IGSF9B: variants seen among roughly 807,000 people sequenced by gnomAD.
IGSF9B encodes immunoglobulin superfamily member 9B, also known as protein turtle homolog B.
In IGSF9B, 48 loss-of-function variants were observed where a neutral mutation model predicts 143.7. That is an observed-to-expected ratio of 0.33 (90% CI 0.26 to 0.42). The LOEUF (loss-of-function observed/expected upper bound fraction) is 0.42, where lower values mean the gene tolerates loss of function less well. Ranked by LOEUF, IGSF9B falls within the 20% of genes least tolerant of loss-of-function variation. The pLI, the probability that IGSF9B is intolerant of heterozygous loss-of-function variation, is 1.00. For synonymous variants in IGSF9B, 903 were observed against 833.1 expected (o/e 1.08, Z -1.44); for missense variants, 1,706 against 1,980.0 (o/e 0.86, Z 2.63).
At position 133,927,003 on chromosome 11, in the gene IGSF9B, G is replaced by A. The variant is rs1460728422; in HGVS notation, c.1720C>T (p.Pro574Ser). 1 of 1,580,290 alleles carries A rather than the reference G, an allele frequency of 6.3e-7. No homozygotes were observed. The highest frequency in any genetic ancestry group is 1.4e-5 in the African/African-American group (1 of 74,068). The change falls in exon 13 of 20, where the codon CCT becomes TCT. Residue 574 changes from proline to serine, a missense_variant. Pro to Ser is a moderately conservative substitution (Grantham distance 74). Transcript: ENST00000533871. ...PSWLLVDTLE[P>S]ETAYQFSVLA... ...ACGCTGAACTGGTACGCTGTCTCAG[G>A]CTCCAGGGTGTCCACCAGCAGCCAG...
At position 133,928,933 on chromosome 11, in the gene IGSF9B, C is replaced by T. The variant is rs924978804; in HGVS notation, c.1631+738G>A. Among the ~76,000 whole-genome samples, 5 of 152,208 alleles carry T rather than the reference C, an allele frequency of 3.3e-5. No individual in the cohort carries two copies. Among genetic ancestry groups the T allele is most frequent in the Non-Finnish European group, 5.9e-5 (4 of 68,040 alleles). On this transcript the variant is annotated intron_variant, in intron 12 of 19. Transcript: ENST00000533871. This position sits in a 1 kb window ranked among gnomAD's most constrained non-coding sequence, Gnocchi z 4.7. ...CCCAAGGCTGGGAAGTGAGCATCACCTCTCCACACCAGTTTCTGTGGCCTC... is the reference window on the plus strand; with the variant it reads ...CCCAAGGCTGGGAAGTGAGCATCACTTCTCCACACCAGTTTCTGTGGCCTC...
Position 133,924,894 on chromosome 11 carries a change from TACC to T in IGSF9B, c.2042_2044del (p.Trp681del). The T allele has an allele frequency of 6.2e-7, 1 of 1,613,660 alleles. No homozygotes were observed. Among genetic ancestry groups the T allele is most frequent in the East Asian group, 2.2e-5 (1 of 44,882 alleles). ...CATGACGGCCAGAACCCGGAACTCATACCACGTGTCCTGCAGCCCCAGGGACAA... is the reference window on the plus strand; with the variant it reads ...CATGACGGCCAGAACCCGGAACTCATACGTGTCCTGCAGCCCCAGGGACAA... On this transcript the variant is annotated inframe_deletion, in exon 15 of 20. Transcript: ENST00000533871.
chr11:133,921,139 AG>A lies in IGSF9B; in HGVS notation c.2585del (p.Pro862LeufsTer8), dbSNP rs1426886138. The part of the protein sequence containing the change: ...RGPDGRFVMD[P>X]AEMEPSLKSR... ...TCTTCAGCGAGGGCTCCATCTCGGC[AG>A]GGTCCATCACGAAGCGGCCGTCAGG... On this transcript the variant is annotated frameshift_variant, in exon 18 of 20. Transcript: ENST00000533871. LOFTEE classifies it high-confidence loss of function. The A allele has an allele frequency of 6.2e-7, 1 of 1,613,590 alleles. No individual in the cohort carries two copies. Among genetic ancestry groups the A allele is most frequent in the Admixed American group, 1.7e-5 (1 of 60,024 alleles).
rs7946448 is a variant in IGSF9B, at chr11:133,913,467, G to T, written c.3984-1460C>A. On this transcript the variant is annotated intron_variant, in intron 18 of 19. Transcript: ENST00000533871. The surrounding 1 kb of genome is among the most constrained non-coding windows in gnomAD (Gnocchi z 4.6). ...GTCTCTGGGGTTTCCTGCATGCACTGGCAATGCAGTGACCTCCATCTTCCT... is the reference window on the plus strand; with the variant it reads ...GTCTCTGGGGTTTCCTGCATGCACTTGCAATGCAGTGACCTCCATCTTCCT... Among the ~76,000 whole-genome samples the T allele has an allele frequency of 0.04, 6,055 of 152,270 alleles. 358 individuals carry two copies. The highest frequency in any genetic ancestry group is 0.13 in the African/African-American group (5,407 of 41,526).
intron 18 of IGSF9B, among the ~76,000 whole-genome samples, chr11:133,916,729 A>G (rs1212304403): frequency 6.6e-6 from 1 of 152,182 alleles, no homozygotes; most frequent in African/African-American, 2.4e-5. Flanking sequence ...GGGGTGAGGA[A>G]TAACACATGA....
At chr11:133,936,898 C>T (rs1359234061) in intron 5 of IGSF9B, among the ~76,000 whole-genome samples, 5 of 152,218 alleles carry the variant, frequency 3.3e-5, no homozygotes, top group African/African-American at 1.2e-4. Context: ...GACTCTGGGG[C>T]TCCAGGCAGG....
chr11:133,910,580 G>C (rs939635528), intron 19 of IGSF9B, among the ~76,000 whole-genome samples: 1 of 152,158 alleles, frequency 6.6e-6, no homozygotes, highest in African/African-American at 2.4e-5. Context: ...AGCAGACCTG[G>C]AGAGGCTGAT....
Position 133,925,851 on chromosome 11 carries a change from C to T in IGSF9B, c.1922G>A (p.Ser641Asn). The change falls in exon 14 of 20, where the codon AGC becomes AAC. Residue 641 changes from serine to asparagine, a missense_variant. Physicochemically the swap from Ser to Asn is conservative, Grantham distance 46. Coordinates refer to ENST00000533871, the MANE Select transcript of IGSF9B (RefSeq NM_001277285.4). ...CATGATGTAGCGGTCGATGGGAAAG[C>T]TGTGGTTGGCAGGCGGAAGCCAGGA... ...LLSWLPPANH[S>N]FPIDRYIMEF... The T allele has an allele frequency of 6.2e-7, 1 of 1,613,790 alleles. No individual in the cohort carries two copies. Among genetic ancestry groups the T allele is most frequent in the African/African-American group, 1.3e-5 (1 of 75,060 alleles).
In IGSF9B at chr11:133,936,035, T is replaced by G; in HGVS notation, c.821+18A>C. 1 of 1,612,218 alleles carries G rather than the reference T, an allele frequency of 6.2e-7. No individual in the cohort carries two copies. Among genetic ancestry groups the G allele is most frequent in the Non-Finnish European group, 8.5e-7 (1 of 1,179,154 alleles). ...CTGGGGTGGCAACCTCATTGAAAAG[T>G]CAGAGCAGGGTGCTCACTTCTGAAA... On this transcript the variant is annotated intron_variant, in intron 6 of 19. Coordinates refer to ENST00000533871, the MANE Select transcript of IGSF9B (RefSeq NM_001277285.4).
At chr11:133,956,610 G>A in intron 1 of IGSF9B, 81 bp downstream of exon 1, 2 of 962,842 alleles carry the variant, frequency 2.1e-6, no homozygotes, top group Non-Finnish European at 3.1e-6. Context: ...GGGGGCCAAG[G>A]AGCCGGGAAA....
chr11:133,920,934 G>T lies in IGSF9B; in HGVS notation c.2791C>A (p.Arg931=), dbSNP rs369321654. ...SYLPPPAYSP[R]FQPRGLEGPG... ...CCCTCCAGCCCGCGGGGCTGGAACC[G>T]AGGGCTGTATGCTGGTGGTGGCAGG... Residue 931 remains arginine (R), a synonymous_variant, in exon 18 of 20, where the codon CGG becomes AGG. Coordinates refer to ENST00000533871, the MANE Select transcript of IGSF9B (RefSeq NM_001277285.4). 1 of 1,610,362 alleles carries T rather than the reference G, an allele frequency of 6.2e-7. No homozygotes were observed. The highest frequency in any genetic ancestry group is 1.3e-5 in the African/African-American group (1 of 75,030).
rs1374621537 is a variant in IGSF9B at position 133,920,032 on chromosome 11, C to T, written c.3693G>A (p.Gln1231=). Residue 1231 remains glutamine (Q), a synonymous_variant, in exon 18 of 20, where the codon CAG becomes CAA. Transcript: ENST00000533871. ...RARPRPGLLQ[Q]AEMSEITLQP... Reference sequence around the variant, plus strand: ...GCAGGGTGATCTCTGACATCTCTGCCTGCTGCAGGAGGCCCGGGCGAGGCC... The same window carrying T: ...GCAGGGTGATCTCTGACATCTCTGCTTGCTGCAGGAGGCCCGGGCGAGGCC... 1.3e-6 allele frequency: 2 copies of T among 1,580,214 alleles called. No homozygotes were observed. Among genetic ancestry groups the T allele is most frequent in the Non-Finnish European group, 1.7e-6 (2 of 1,163,590 alleles).
Position 133,946,041 on chromosome 11 carries a change from ACCGGGTGCC to A in IGSF9B, c.262+11_262+19del. Reference sequence around the variant, plus strand: ...ACTCCAGCTGGGGAAGGTGCGGGAGACCGGGTGCCCAGACCTTACCTGCATACTCAGGGT... The same window carrying A: ...ACTCCAGCTGGGGAAGGTGCGGGAGACAGACCTTACCTGCATACTCAGGGT... On this transcript the variant is annotated intron_variant, in intron 2 of 19. Coordinates refer to ENST00000533871, the MANE Select transcript of IGSF9B (RefSeq NM_001277285.4). The A allele has an allele frequency of 6.6e-7, 1 of 1,509,292 alleles. No individual in the cohort carries two copies. Among genetic ancestry groups the A allele is most frequent in the South Asian group, 1.3e-5 (1 of 76,056 alleles). The allele number at this position is 1,509,292 out of a possible 1,614,324, so 93.5% of individuals were successfully genotyped here.
At position 133,920,534 on chromosome 11, in the gene IGSF9B, C is replaced by T. The variant is rs1310634608; in HGVS notation, c.3191G>A (p.Cys1064Tyr). The change falls in exon 18 of 20, where the codon TGT becomes TAT. Residue 1064 changes from cysteine (C) to tyrosine (Y), a missense_variant. Physicochemically the swap from Cys to Tyr is radical, Grantham distance 194 (BLOSUM62 -2). This residue lies in a region of IGSF9B where 880 missense variants were observed against 762.9 expected (regional missense o/e 1.15). Coordinates refer to ENST00000533871, the MANE Select transcript of IGSF9B (RefSeq NM_001277285.4). ...GGGCTGCAGACTCTCGGGCACATCA[C>T]AGGGTGGCAGCTGGTGGGGGAACAT... Reference protein sequence around the residue: ...AMMFPHQLPPCDVPESLQPKA... With the variant: ...AMMFPHQLPPYDVPESLQPKA... The T allele has an allele frequency of 4.3e-6, 7 of 1,610,088 alleles. No individual in the cohort carries two copies. Among genetic ancestry groups the T allele is most frequent in the South Asian group, 1.1e-5 (1 of 90,426 alleles).
At chr11:133,916,722 G>A (rs1004342679) in intron 18 of IGSF9B, among the ~76,000 whole-genome samples, 8 of 152,208 alleles carry the variant, frequency 5.3e-5, no homozygotes, top group African/African-American at 1.9e-4. Context: ...GAGTGAAGGG[G>A]TGAGGAATAA....
In IGSF9B at chr11:133,904,896, T is replaced by C. The variant is rs1169769307; in HGVS notation, c.*4173A>G. Among the ~76,000 whole-genome samples the C allele has an allele frequency of 6.6e-6, 1 of 150,810 alleles. No homozygotes were observed. The highest frequency in any genetic ancestry group is 1.5e-5 in the Non-Finnish European group (1 of 67,840). ...CTAGAGCTGGCCAATAAGGCACCTC[T>C]TTGGCCCTCTCCCTAAAGCAACACA... On this transcript the variant is annotated 3_prime_UTR_variant, in exon 20 of 20. Transcript: ENST00000533871.
chr11:133,920,024 ATC>A lies in IGSF9B; in HGVS notation c.3699_3700del (p.Glu1233AspfsTer108). On this transcript the variant is annotated frameshift_variant, in exon 18 of 20. Transcript: ENST00000533871. LOFTEE classifies it high-confidence loss of function. ...CGGCGGCTGCAGGGTGATCTCTGAC[ATC>A]TCTGCCTGCTGCAGGAGGCCCGGGC... The A allele has an allele frequency of 6.3e-7, 1 of 1,581,402 alleles. No individual in the cohort carries two copies. Among genetic ancestry groups the A allele is most frequent in the Non-Finnish European group, 8.6e-7 (1 of 1,164,068 alleles).
intron 11 of IGSF9B, among the ~76,000 whole-genome samples, chr11:133,930,306 A>G (rs894268856): frequency 1.3e-5 from 2 of 152,122 alleles, no homozygotes; most frequent in Admixed American, 1.3e-4. Flanking sequence ...GGCCACGGCA[A>G]CCTCTGCTTC....
chr11:133,906,224 C>G lies in IGSF9B; in HGVS notation c.*2845G>C, dbSNP rs1439165388. Among the ~76,000 whole-genome samples the G allele has an allele frequency of 6.6e-6, 1 of 152,208 alleles. No individual in the cohort carries two copies. Among genetic ancestry groups the G allele is most frequent in the Non-Finnish European group, 1.5e-5 (1 of 68,038 alleles). On this transcript the variant is annotated 3_prime_UTR_variant, in exon 20 of 20. Coordinates refer to ENST00000533871, the MANE Select transcript of IGSF9B (RefSeq NM_001277285.4). The stretch of plus-strand genomic sequence containing the variant: ...TAGAGGTGGTTACACCCCCATCACC[C>G]ACATGCTCACAACCACGCTGTCACA...
Sources: gnomAD v4.1 joint callset for allele counts (sites outside exome capture counted in the v4.1 genomes callset) on GRCh38, gnomAD v4.1.1 for gene constraint, gnomAD v4.1.1 regional missense constraint, Gnocchi (gnomAD v3.1) non-coding constraint, MANE v1.5 for transcripts, NCBI Gene and HGNC (gene_info 2026-07-23, HGNC 2026-07-21) for gene names.